The following ZNF484 variants were observed in gnomAD, a reference collection of about 807,000 sequenced individuals.
The protein encoded by ZNF484 is KRAB box containing C2H2 type zinc finger bA526D8.4.
A neutral mutation model predicts 12.9 loss-of-function variants in ZNF484; 11 were observed. That is an observed-to-expected ratio of 0.85 (90% CI 0.54 to 1.41). ZNF484 has a LOEUF of 1.41. Ranked by LOEUF, ZNF484 falls within the 40% of genes most tolerant of loss-of-function variation. The pLI is 0.00. For missense variants in ZNF484, 807 were observed against 1,007.7 expected, an observed-to-expected ratio of 0.80 and a Z score of 2.70; for synonymous variants, 289 against 334.1, an observed-to-expected ratio of 0.86 and a Z score of 1.47.
chr9:92,861,732 G>A (rs1198044380), intron 2 of ZNF484, among the ~76,000 whole-genome samples: 2 of 152,136 alleles, frequency 1.3e-5, no homozygotes, highest in Non-Finnish European at 2.9e-5. Flanking sequence ...AGCAGTCCTA[G>A]AAGGAATGAA....
chr9:92,874,104 C>T (rs1054679611), intron 2 of ZNF484, among the ~76,000 whole-genome samples: 3 of 152,110 alleles, frequency 2.0e-5, no homozygotes, highest in Non-Finnish European at 4.4e-5. Flanking sequence ...CTCCCATTCA[C>T]GATAAAACCT....
chr9:92,868,854 G>A (rs1857263817), intron 2 of ZNF484, among the ~76,000 whole-genome samples: 2 of 151,912 alleles, frequency 1.3e-5, no homozygotes, highest in Non-Finnish European at 2.9e-5. Context: ...CTCCTACACT[G>A]GGATCAAACT....
In ZNF484 at chr9:92,877,954, A is replaced by T. The variant is rs979733949; in HGVS notation, c.-95T>A. On this transcript the variant is annotated 5_prime_UTR_variant, in exon 1 of 5. It adds an upstream start codon to the 5' untranslated region. Transcript: ENST00000375495. ...GCCTCGGGAGGTGACTATAGTCGCAAGAACCAGAACAGGACCCACTTCCTT... is the reference window on the plus strand; with the variant it reads ...GCCTCGGGAGGTGACTATAGTCGCATGAACCAGAACAGGACCCACTTCCTT... 1.5e-6 allele frequency: 2 copies of T among 1,346,106 alleles called. No individual in the cohort carries two copies. Among genetic ancestry groups the T allele is most frequent in the African/African-American group, 2.9e-5 (2 of 69,058 alleles). 83.4% of individuals were successfully genotyped at this position (1,346,106 alleles called of 1,614,324 possible). A position where few individuals can be genotyped will look rare whatever the true frequency, so the allele number is the denominator to read the frequency against.
chr9:92,870,937 A>G (rs1857392414), intron 2 of ZNF484, among the ~76,000 whole-genome samples: 1 of 152,162 alleles, frequency 6.6e-6, no homozygotes, highest in Non-Finnish European at 1.5e-5. Flanking sequence ...TAGTACAGCA[A>G]GGCCCCCCAA....
intron 2 of ZNF484, among the ~76,000 whole-genome samples, chr9:92,863,672 T>C (rs746499678): frequency 6.6e-6 from 1 of 152,222 alleles, no homozygotes; most frequent in Non-Finnish European, 1.5e-5. Flanking sequence ...TCTGAGATTA[T>C]AGTGTCATAT....
intron 1 of ZNF484, among the ~76,000 whole-genome samples, chr9:92,877,589 C>T (rs1857902652): frequency 6.6e-6 from 1 of 152,118 alleles, no homozygotes; most frequent in Admixed American, 6.5e-5. Context: ...ATCATTCACA[C>T]TCCTCAGATC....
chr9:92,873,759 T>C (rs540695645), intron 2 of ZNF484, among the ~76,000 whole-genome samples: 6 of 151,582 alleles, frequency 4.0e-5, no homozygotes, highest in Admixed American at 1.3e-4. Flanking sequence ...GAATAATCAA[T>C]ACAAAGGAAC....
Position 92,846,664 on chromosome 9 carries a change from A to G in ZNF484, c.2123T>C (p.Ile708Thr). The G allele has an allele frequency of 6.2e-7, 1 of 1,613,726 alleles. No homozygotes were observed. Among genetic ancestry groups the G allele is most frequent in the Non-Finnish European group, 8.5e-7 (1 of 1,179,960 alleles). ...GKAFARKSTL[I>T]MHQRIHTGEK... ...TCCTGTATGAATTCTCTGATGCATA[A>G]TTAGTGTTGATTTTCTTGCAAAGGC... Residue 708 changes from isoleucine to threonine, a missense_variant, in exon 5 of 5, where the codon ATT becomes ACT. Physicochemically the swap from Ile to Thr is moderately conservative, Grantham distance 89. Transcript: ENST00000375495.
At chr9:92,870,283 C>A (rs7853014) in intron 2 of ZNF484, among the ~76,000 whole-genome samples, 2 of 151,958 alleles carry the variant, frequency 1.3e-5, no homozygotes, top group Non-Finnish European at 2.9e-5. Flanking sequence ...CAAGTGCATA[C>A]AAAAAGGCCT....
At chr9:92,863,892 G>T (rs898050746) in intron 2 of ZNF484, among the ~76,000 whole-genome samples, 6 of 152,174 alleles carry the variant, frequency 3.9e-5, no homozygotes, top group Admixed American at 1.3e-4. Flanking sequence ...GAGACTGCTT[G>T]AGAGGACACC....
chr9:92,862,231 T>G (rs1367079505), intron 2 of ZNF484: 8 of 731,824 alleles, frequency 1.1e-5, no homozygotes, highest in Non-Finnish European at 1.2e-5. Flanking sequence ...CTTAGGTAAT[T>G]CTTAGGAATT....
chr9:92,877,923 T>C lies in ZNF484; in HGVS notation c.-64A>G. ...CACCCACGTCCTCTCAGGACAGTGG[T>C]CATTTGCCTCGGGAGGTGACTATAG... On this transcript the variant is annotated 5_prime_UTR_variant, in exon 1 of 5. Transcript: ENST00000375495. The C allele has an allele frequency of 1.3e-6, 2 of 1,513,556 alleles. No homozygotes were observed. 93.8% of individuals were successfully genotyped at this position (1,513,556 alleles called of 1,614,324 possible).
chr9:92,874,373 G>A (rs927369464), intron 2 of ZNF484, among the ~76,000 whole-genome samples: 4 of 149,534 alleles, frequency 2.7e-5, no homozygotes, highest in Admixed American at 6.7e-5. Context: ...GTGCAAAGGC[G>A]CAATCTCGGC....
chr9:92,872,625 A>G (rs1295661025), intron 2 of ZNF484, among the ~76,000 whole-genome samples: 1 of 152,210 alleles, frequency 6.6e-6, no homozygotes. Flanking sequence ...ACAAATTGTG[A>G]AATGTGGGCA....
chr9:92,861,823 A>G (rs1452461738), intron 2 of ZNF484, among the ~76,000 whole-genome samples: 1 of 152,228 alleles, frequency 6.6e-6, no homozygotes, highest in African/African-American at 2.4e-5. Context: ...GCATAAATGT[A>G]CAGATTCAAG....
rs967924849 is a variant in ZNF484, at chr9:92,848,085, A to G, written c.702T>C (p.His234=). 5 of 1,614,252 alleles carry G rather than the reference A, an allele frequency of 3.1e-6. No homozygotes were observed. Among genetic ancestry groups the G allele is most frequent in the South Asian group, 2.2e-5 (2 of 91,084 alleles). The part of the protein sequence containing the change: ...ECNQCGKPLH[H]KQALIQQQKI... ...TCTGTTGTTGAATGAGAGCTTGCTTATGATGCAGAGGTTTCCCACATTGGT... is the reference window on the plus strand; with the variant it reads ...TCTGTTGTTGAATGAGAGCTTGCTTGTGATGCAGAGGTTTCCCACATTGGT... The change falls in exon 5 of 5, where the codon CAT becomes CAC. Residue 234 remains histidine, a synonymous_variant. Coordinates refer to ENST00000375495, the MANE Select transcript of ZNF484 (RefSeq NM_031486.4). This position sits in a 1 kb window ranked among gnomAD's most constrained non-coding sequence, Gnocchi z 4.1.
chr9:92,851,286 A>G (rs2131601168), intron 4 of ZNF484, among the ~76,000 whole-genome samples: 1 of 152,376 alleles, frequency 6.6e-6, no homozygotes, highest in East Asian at 1.9e-4. Flanking sequence ...CCTTGGGCCA[A>G]ATCCAGGCCT....
In ZNF484 at chr9:92,847,280, T is replaced by TA. The variant is rs1272356665; in HGVS notation, c.1506dup (p.Lys503Ter). The TA allele has an allele frequency of 6.2e-7, 1 of 1,614,152 alleles. No individual in the cohort carries two copies. The highest frequency in any genetic ancestry group is 1.7e-5 in the Admixed American group (1 of 60,022). ...AGATTTGACCTGTCAGTAAAGGCCT[T>TA]ACCACACACAGTACATATATAGGGT... is the stretch of plus-strand genomic sequence containing the variant. On this transcript the variant is annotated frameshift_variant, in exon 5 of 5. Transcript: ENST00000375495. LOFTEE classifies it low-confidence loss of function (END_TRUNC).
Position 92,848,678 on chromosome 9 carries a change from A to C in ZNF484, c.236-127T>G. 1.3e-6 allele frequency: 1 copy of C among 773,658 alleles called. No homozygotes were observed. Among genetic ancestry groups the C allele is most frequent in the South Asian group, 2.1e-5 (1 of 47,020 alleles). 47.9% of individuals were successfully genotyped at this position (773,658 alleles called of 1,614,324 possible). A position where few individuals can be genotyped will look rare whatever the true frequency, so the allele number is the denominator to read the frequency against. ...TGAGGTGGGCAGATCACTTGAGGCC[A>C]GGAGTTTGAGACCAGCCTGGCCAGC... On this transcript the variant is annotated intron_variant, in intron 4 of 4. Coordinates refer to ENST00000375495, the MANE Select transcript of ZNF484 (RefSeq NM_031486.4). This position sits in a 1 kb window ranked among gnomAD's most constrained non-coding sequence, Gnocchi z 4.1.
Sources: allele counts gnomAD v4.1 joint callset (sites outside exome capture counted in the v4.1 genomes callset), GRCh38; gene constraint gnomAD v4.1.1; non-coding constraint Gnocchi (gnomAD v3.1); transcripts MANE v1.5; gene names NCBI Gene and HGNC (gene_info 2026-07-23, HGNC 2026-07-21).